Variants in BOLA3 observed in about 807,000 individuals in gnomAD.
BOLA3 encodes bolA-like protein 3.
BOLA3 carries 8 observed loss-of-function variants against 14.5 expected under a neutral mutation model. The observed-to-expected ratio is 0.55, with a 90% CI of 0.32 to 0.99. BOLA3 has a LOEUF of 0.99. Ranked by LOEUF, BOLA3 falls within the 50% of genes least tolerant of loss-of-function variation. The pLI is 0.04. For missense variants in BOLA3, 115 were observed against 138.2 expected (o/e 0.83, Z 0.84); for synonymous variants, 42 against 45.7 (o/e 0.92, Z 0.33).
chr2:74,141,324 A>C (rs1306479455), intron 3 of BOLA3, among the ~76,000 whole-genome samples: 1 of 141,436 alleles, frequency 7.1e-6, no homozygotes, highest in African/African-American at 2.6e-5. Flanking sequence ...GACAGCAGAG[A>C]TGTCCGTTTT....
At chr2:74,136,569 C>G (rs1692334727) in intron 3 of BOLA3, among the ~76,000 whole-genome samples, 1 of 151,812 alleles carries the variant, frequency 6.6e-6, no homozygotes, top group Non-Finnish European at 1.5e-5. Context: ...GGACTGGACA[C>G]CCCTGCTCTA....
chr2:74,144,518 C>T lies in BOLA3; in HGVS notation c.169+671G>A, dbSNP rs533939860. 2.4e-4 allele frequency among the ~76,000 whole-genome samples: 36 copies of T among 151,340 alleles called. 1 individual carries two copies. In the South Asian group the frequency reaches 5.6e-3, roughly 24 times the overall value. ...CACGCCACGGGCCGTTCTGTGTGTA[C>T]GTGTGTGTGTGTGTGTGGATAAAGG... On this transcript the variant is annotated intron_variant, in intron 2 of 3. Transcript: ENST00000327428.
At chr2:74,142,614 A>C (rs548666377) in intron 2 of BOLA3, among the ~76,000 whole-genome samples, 2 of 152,208 alleles carry the variant, frequency 1.3e-5, no homozygotes, top group Non-Finnish European at 2.9e-5. Context: ...ACTTGTGGGC[A>C]GGAAAGATAA....
chr2:74,147,726 G>C, intron 1 of BOLA3, 95 bp downstream of exon 1: 2 of 1,300,374 alleles, frequency 1.5e-6, no homozygotes. Flanking sequence ...CGCGCCCTCC[G>C]GGAGCCAGTC....
At chr2:74,135,958 T>C (rs974654052) in intron 3 of BOLA3, among the ~76,000 whole-genome samples, 2 of 151,316 alleles carry the variant, frequency 1.3e-5, no homozygotes, top group African/African-American at 2.4e-5. Flanking sequence ...CTTTTTTTTT[T>C]TTTTTTTTTA....
chr2:74,138,399 C>T (rs1038545497), intron 3 of BOLA3, among the ~76,000 whole-genome samples: 4 of 152,250 alleles, frequency 2.6e-5, no homozygotes, highest in African/African-American at 9.6e-5. Context: ...CTCAAGCCAG[C>T]ACAGCCCTGC....
chr2:74,136,510 T>C (rs1471601140), intron 3 of BOLA3, among the ~76,000 whole-genome samples: 1 of 152,212 alleles, frequency 6.6e-6, no homozygotes, highest in Non-Finnish European at 1.5e-5. Flanking sequence ...GTATATTTTA[T>C]GTGTGGCCCA....
intron 3 of BOLA3, 127 bp downstream of exon 3, chr2:74,142,145 C>T: frequency 2.7e-6 from 2 of 730,314 alleles, no homozygotes; most frequent in Non-Finnish European, 4.9e-6. Context: ...GGTCTTGAGT[C>T]CTGTTTCGTG....
chr2:74,138,012 C>T (rs1692365106), intron 3 of BOLA3, among the ~76,000 whole-genome samples: 1 of 152,308 alleles, frequency 6.6e-6, no homozygotes, highest in South Asian at 2.1e-4. Flanking sequence ...TGACCCTGGA[C>T]AGAGGAACCT....
At chr2:74,142,774 A>G (rs1572942491) in intron 2 of BOLA3, among the ~76,000 whole-genome samples, 3 of 152,262 alleles carry the variant, frequency 2.0e-5, no homozygotes, top group East Asian at 3.8e-4. Context: ...AAAATACACT[A>G]CAATTTGGTT....
rs948323599 is a variant in BOLA3, at chr2:74,135,767, CTTTG to C, written c.259-113_259-110del. The C allele has an allele frequency of 3.0e-5, 26 of 858,148 alleles. No homozygotes were observed. The African/African-American group carries it at 4.1e-4, about 13-fold the overall frequency. 53.2% of individuals were successfully genotyped at this position (858,148 alleles called of 1,614,324 possible). On this transcript the variant is annotated intron_variant, in intron 3 of 3. Transcript: ENST00000327428. ...GCATCTGAAGGAGACTTTGTATGTG[CTTTG>C]TTTAAGCAATTTTTCCTTTTTTTGA...
At chr2:74,136,064 T>C (rs548556726) in intron 3 of BOLA3, among the ~76,000 whole-genome samples, 1 of 152,132 alleles carries the variant, frequency 6.6e-6, no homozygotes, top group East Asian at 1.9e-4. Context: ...ATCTTCCTGC[T>C]TCAGCCTCCC....
At chr2:74,140,621 A>G (rs899721977) in intron 3 of BOLA3, among the ~76,000 whole-genome samples, 12 of 152,258 alleles carry the variant, frequency 7.9e-5, no homozygotes, top group African/African-American at 2.6e-4. Flanking sequence ...CCTTAATCCC[A>G]AGACCGTGAG....
At chr2:74,145,995 CTTT>C (rs111883855) in intron 1 of BOLA3, 7 of 139,874 alleles carry the variant, frequency 5.0e-5, no homozygotes, top group Non-Finnish European at 7.8e-5. Context: ...TTTGTGTTTC[CTTT>C]TTTTTTTTTT....
intron 3 of BOLA3, 33 bp downstream of exon 3, chr2:74,142,239 C>A (rs1189819327): frequency 6.6e-7 from 1 of 1,522,324 alleles, no homozygotes; most frequent in Admixed American, 1.7e-5. Context: ...AGGCTGAAGG[C>A]CAGTGGCAAG....
chr2:74,135,967 T>TA (rs984827959), intron 3 of BOLA3, among the ~76,000 whole-genome samples: 6 of 137,818 alleles, frequency 4.4e-5, no homozygotes, highest in Admixed American at 7.3e-5. Flanking sequence ...TTTTTTTTTT[T>TA]AAGTCATGGT....
intron 2 of BOLA3, among the ~76,000 whole-genome samples, chr2:74,144,917 G>C (rs1208250127): frequency 2.0e-5 from 3 of 152,206 alleles, no homozygotes; most frequent in Non-Finnish European, 2.9e-5. Flanking sequence ...CTCAGCTCTA[G>C]GGTGACTGAG....
intron 3 of BOLA3, among the ~76,000 whole-genome samples, chr2:74,140,082 G>A (rs192240336): frequency 1.3e-5 from 2 of 152,210 alleles, no homozygotes; most frequent in African/African-American, 4.8e-5. Flanking sequence ...TCAGGAGTTC[G>A]AGACCAGCCT....
chr2:74,145,517 A>G, intron 1 of BOLA3: 2 of 582,412 alleles, frequency 3.4e-6, no homozygotes, highest in South Asian at 2.0e-5. Context: ...CGGGGACAGG[A>G]TGATTGTTAA....
Sources: gnomAD v4.1 joint callset for allele counts (sites outside exome capture counted in the v4.1 genomes callset) on GRCh38, gnomAD v4.1.1 for gene constraint, MANE v1.5 for transcripts, NCBI Gene and HGNC (gene_info 2026-07-23, HGNC 2026-07-21) for gene names.